The following BTD variants were observed in gnomAD, a reference collection of about 807,000 sequenced individuals.
The protein encoded by BTD is biocytinase.
In BTD, 13 loss-of-function variants were observed where a neutral mutation model predicts 17.7. The observed-to-expected ratio is 0.74, with a 90% CI of 0.48 to 1.17. The LOEUF (loss-of-function observed/expected upper bound fraction) is 1.17, where lower values mean the gene tolerates loss of function less well. Among genes scored for constraint, BTD ranks in the 50% most tolerant of loss-of-function variants. BTD has a pLI of 0.00. For synonymous variants in BTD, 240 were observed against 245.2 expected (o/e 0.98, Z 0.20); for missense variants, 674 against 650.4 (o/e 1.04, Z -0.39).
intron 3 of BTD, chr3:15,670,139 G>C (rs1348149211): frequency 9.8e-7 from 1 of 1,022,332 alleles, no homozygotes; most frequent in African/African-American, 1.6e-5. Flanking sequence ...AATGCCATCA[G>C]ATCTCTTAAC....
At chr3:15,608,543 G>A (rs971194497) in intron 1 of BTD, among the ~76,000 whole-genome samples, 9 of 152,102 alleles carry the variant, frequency 5.9e-5, no homozygotes, top group African/African-American at 9.7e-5. Flanking sequence ...CAAGGCAGGC[G>A]GATCACGAGG....
intron 1 of BTD, among the ~76,000 whole-genome samples, chr3:15,617,777 G>A (rs1390437286): frequency 6.6e-6 from 1 of 152,086 alleles, no homozygotes; most frequent in East Asian, 1.9e-4. Flanking sequence ...GTCTATTTCT[G>A]GATTCTCTAT....
intron 3 of BTD, among the ~76,000 whole-genome samples, chr3:15,680,482 C>T (rs1018628237): frequency 1.3e-5 from 2 of 152,096 alleles, no homozygotes; most frequent in Non-Finnish European, 2.9e-5. Context: ...GCTGGGATTA[C>T]AGGTGTGAGC....
At chr3:15,665,769 A>T (rs2065975778) in intron 3 of BTD, among the ~76,000 whole-genome samples, 1 of 152,198 alleles carries the variant, frequency 6.6e-6, no homozygotes, top group Non-Finnish European at 1.5e-5. Flanking sequence ...GGCACAAACC[A>T]TACTTGTGTG....
intron 3 of BTD, among the ~76,000 whole-genome samples, chr3:15,689,218 GT>G (rs1253470973): frequency 1.3e-5 from 2 of 152,128 alleles, no homozygotes; most frequent in African/African-American, 4.8e-5. Flanking sequence ...GGGCCACTGG[GT>G]TTTAGAGGGA....
intron 1 of BTD, among the ~76,000 whole-genome samples, chr3:15,602,655 G>C (rs949915583): frequency 2.0e-5 from 3 of 152,110 alleles, no homozygotes; most frequent in Non-Finnish European, 4.4e-5. Flanking sequence ...AGATGAGAGG[G>C]GAGTGGGTCA....
At chr3:15,707,689 G>C (rs1182432276) in intron 3 of BTD, among the ~76,000 whole-genome samples, 2 of 152,162 alleles carry the variant, frequency 1.3e-5, no homozygotes, top group African/African-American at 4.8e-5. Flanking sequence ...GACAAGAAGG[G>C]ACCTTTATCT....
intron 1 of BTD, 128 bp downstream of exon 1, chr3:15,602,022 G>C (rs1262171498): frequency 6.7e-7 from 1 of 1,503,176 alleles, no homozygotes; most frequent in African/African-American, 1.4e-5. Context: ...GAAGCCCGGC[G>C]CGCGTCGTTT....
At chr3:15,620,935 C>T (rs1366525051) in intron 1 of BTD, among the ~76,000 whole-genome samples, 1 of 152,238 alleles carries the variant, frequency 6.6e-6, no homozygotes, top group Non-Finnish European at 1.5e-5. Context: ...CCTGGAATGT[C>T]AATGGCATAA....
intron 1 of BTD, among the ~76,000 whole-genome samples, chr3:15,608,731 A>C (rs1026103818): frequency 1.3e-5 from 2 of 149,710 alleles, no homozygotes; most frequent in Non-Finnish European, 3.0e-5. Context: ...GCGCCCCTGC[A>C]CTCCAGCCTG....
chr3:15,658,490 A>G (rs75384443), downstream of BTD, among the ~76,000 whole-genome samples: 577 of 152,088 alleles, frequency 3.8e-3, 6 homozygotes, highest in South Asian at 0.015. Context: ...GCCTTTGTAC[A>G]TGTAGCCCAC....
intron 1 of BTD, among the ~76,000 whole-genome samples, chr3:15,625,457 G>A (rs2065043066): frequency 6.6e-6 from 1 of 152,198 alleles, no homozygotes; most frequent in African/African-American, 2.4e-5. Context: ...GTGAGAACCT[G>A]GTAGAACTCC....
rs2072417147 is a variant in BTD, at chr3:15,712,315, ATAAC to A, written c.*2245_*2248del. The A allele has an allele frequency of 2.8e-6, 3 of 1,059,448 alleles. No homozygotes were observed. The African/African-American group carries it at 4.8e-5, about 17-fold the overall frequency. The allele number at this position is 1,059,448 out of a possible 1,614,324, so 65.6% of individuals were successfully genotyped here. ...TACAAAGAGACCACTTAAGTGAAAG[ATAAC>A]TAAGAGCCAAAATGTCTAACACTTC... On this transcript the variant is annotated 3_prime_UTR_variant, in exon 4 of 4. Coordinates refer to the BTD transcript ENST00000672141.
intron 1 of BTD, among the ~76,000 whole-genome samples, chr3:15,608,381 C>T (rs1559576527): frequency 6.6e-6 from 1 of 152,090 alleles, no homozygotes; most frequent in East Asian, 1.9e-4. Flanking sequence ...ACATCACTGA[C>T]GAGGACGTTT....
intron 3 of BTD, among the ~76,000 whole-genome samples, chr3:15,672,787 A>T (rs1372349626): frequency 1.3e-5 from 2 of 151,762 alleles, no homozygotes; most frequent in Non-Finnish European, 2.9e-5. Context: ...CATGGGGGTT[A>T]TTTTTTGAGA....
chr3:15,699,306 G>T (rs1220368223), intron 3 of BTD, among the ~76,000 whole-genome samples: 1 of 151,932 alleles, frequency 6.6e-6, no homozygotes, highest in Admixed American at 6.6e-5. Flanking sequence ...AAAACCTAGG[G>T]CATACCATTC....
chr3:15,627,347 C>T lies in BTD; in HGVS notation c.-16-8077C>T, dbSNP rs183732400. Among the ~76,000 whole-genome samples the T allele has an allele frequency of 1.9e-4, 29 of 152,298 alleles. No individual in the cohort carries two copies. In the East Asian group the frequency reaches 2.3e-3, roughly 12 times the overall value. On this transcript the variant is annotated intron_variant, in intron 1 of 3. Transcript: ENST00000643237. ...AAGTGATGCTCCCATCTCATCCTTC[C>T]GAGTAGCTAGGACTACAAGTGCATG...
At chr3:15,655,264 T>C (rs1034979790), downstream of BTD, among the ~76,000 whole-genome samples, 3 of 152,064 alleles carry the variant, frequency 2.0e-5, no homozygotes, top group African/African-American at 7.3e-5. Flanking sequence ...ATGCTGGGAG[T>C]TTGACGTATG....
At chr3:15,679,681 G>C (rs2067316899) in intron 3 of BTD, 4 of 746,514 alleles carry the variant, frequency 5.4e-6, no homozygotes, top group Non-Finnish European at 8.8e-6. Flanking sequence ...CCATCTCCCA[G>C]ATCCCCTCTC....
Sources: gnomAD v4.1 joint callset for allele counts (sites outside exome capture counted in the v4.1 genomes callset) on GRCh38, gnomAD v4.1.1 for gene constraint, MANE v1.5 for transcripts, NCBI Gene and HGNC (gene_info 2026-07-23, HGNC 2026-07-21) for gene names.